Variants in CPS1 observed in about 807,000 individuals in gnomAD.
CPS1 encodes the protein carbamoyl-phosphate synthase 1.
Under a neutral mutation model 174.6 loss-of-function variants are expected in CPS1, and 109 were observed. That is an observed-to-expected ratio of 0.62 (90% CI 0.53 to 0.73). The LOEUF (loss-of-function observed/expected upper bound fraction) is 0.73, where lower values mean the gene tolerates loss of function less well. Ranked by LOEUF, CPS1 falls within the 30% of genes least tolerant of loss-of-function variation. The pLI is 0.00. For missense variants in CPS1, 1,689 were observed against 1,821.9 expected, an observed-to-expected ratio of 0.93 and a Z score of 1.33; for synonymous variants, 637 against 632.0, an observed-to-expected ratio of 1.01 and a Z score of -0.12.
chr2:210,522,426 G>C (rs1466810132), intron 1 of CPS1, among the ~76,000 whole-genome samples: 2 of 151,850 alleles, frequency 1.3e-5, no homozygotes, highest in Non-Finnish European at 2.9e-5. Flanking sequence ...TTTGTTGTTT[G>C]CAAGTCAGAA....
At chr2:210,520,350 G>A (rs1021430828) in intron 1 of CPS1, among the ~76,000 whole-genome samples, 6 of 151,914 alleles carry the variant, frequency 3.9e-5, no homozygotes, top group African/African-American at 1.5e-4. Context: ...AGAACATGCA[G>A]GTTTGTTACA....
intron 13 of CPS1, among the ~76,000 whole-genome samples, chr2:210,598,826 A>G (rs71422704): frequency 6.6e-6 from 1 of 151,794 alleles, no homozygotes; most frequent in Non-Finnish European, 1.5e-5. Flanking sequence ...TTTAACAAAG[A>G]TATTCAGGAC....
intron 30 of CPS1, chr2:210,657,294 A>G (rs950774822): frequency 6.6e-6 from 1 of 151,250 alleles, no homozygotes; most frequent in Non-Finnish European, 1.5e-5. Flanking sequence ...CTAGGTGTAC[A>G]TTTAGAACCT....
intron 1 of CPS1, among the ~76,000 whole-genome samples, chr2:210,545,969 A>G (rs1425638038): frequency 6.6e-6 from 1 of 152,066 alleles, no homozygotes; most frequent in African/African-American, 2.4e-5. Context: ...GGAGAGGAAT[A>G]TTGATTTAGC....
At chr2:210,486,103 TAC>T (rs1280659493) in intron 1 of CPS1, among the ~76,000 whole-genome samples, 5 of 103,906 alleles carry the variant, frequency 4.8e-5, no homozygotes, top group Admixed American at 2.4e-4. Flanking sequence ...CATATATATA[TAC>T]ACACACACAT....
intron 28 of CPS1, among the ~76,000 whole-genome samples, chr2:210,652,700 A>T (rs1176446622): frequency 1.3e-5 from 2 of 152,190 alleles, no homozygotes; most frequent in African/African-American, 4.8e-5. Context: ...CCAAGTGGAT[A>T]TGATTTAAAG....
At chr2:210,637,901 T>G in intron 22 of CPS1, 58 bp downstream of exon 22, 1 of 1,584,402 alleles carries the variant, frequency 6.3e-7, no homozygotes. Flanking sequence ...TGGTAAAACG[T>G]AGGCACCCAT....
chr2:210,500,746 C>G (rs557875053), intron 1 of CPS1, among the ~76,000 whole-genome samples: 2 of 152,156 alleles, frequency 1.3e-5, no homozygotes, highest in Non-Finnish European at 2.9e-5. Flanking sequence ...GTTTTCCAGG[C>G]GTACTGTGAA....
upstream of CPS1, among the ~76,000 whole-genome samples, chr2:210,554,162 TATAC>T (rs1696818847): frequency 7.8e-6 from 1 of 127,976 alleles, no homozygotes; most frequent in South Asian, 2.4e-4. Flanking sequence ...TACACACACA[TATAC>T]ATATGTATGT....
chr2:210,480,928 C>T (rs1161420396), intron 1 of CPS1, among the ~76,000 whole-genome samples: 3 of 152,172 alleles, frequency 2.0e-5, no homozygotes, highest in Non-Finnish European at 2.9e-5. Flanking sequence ...GGAGCAATTG[C>T]CAGTGGAGGA....
At chr2:210,657,164 T>C (rs532000620) in intron 30 of CPS1, among the ~76,000 whole-genome samples, 1 of 152,284 alleles carries the variant, frequency 6.6e-6, no homozygotes, top group South Asian at 2.1e-4. Flanking sequence ...TGCTTTCCCT[T>C]CTCACCCTTG....
At chr2:210,582,748 T>A (rs750499637) in intron 6 of CPS1, 39 bp downstream of exon 6, 1 of 1,440,226 alleles carries the variant, frequency 6.9e-7, no homozygotes, top group African/African-American at 1.4e-5. Flanking sequence ...TTTTATTTGA[T>A]CCCATTTAGA....
intron 1 of CPS1, among the ~76,000 whole-genome samples, chr2:210,536,668 A>G (rs1305224794): frequency 6.6e-6 from 1 of 152,134 alleles, no homozygotes; most frequent in African/African-American, 2.4e-5. Context: ...TGGATTGGCA[A>G]TCCAAATTGA....
At chr2:210,631,409 T>C (rs2105887938) in intron 21 of CPS1, 1 of 152,240 alleles carries the variant, frequency 6.6e-6, no homozygotes, top group East Asian at 1.9e-4. Flanking sequence ...ACAACAACAA[T>C]ATCTACATTG....
chr2:210,677,500 C>G (rs1297444900), intron 37 of CPS1, among the ~76,000 whole-genome samples: 6 of 152,222 alleles, frequency 3.9e-5, no homozygotes. Flanking sequence ...AGATGTAGCA[C>G]AAGTGCTTGT....
intron 4 of CPS1, among the ~76,000 whole-genome samples, chr2:210,579,018 C>A (rs1448592898): frequency 1.3e-5 from 2 of 152,102 alleles, no homozygotes; most frequent in African/African-American, 4.8e-5. Context: ...ATAACCAGTT[C>A]ACCTCCTTCA....
chr2:210,660,702 AT>A (rs1700891212), intron 32 of CPS1, 47 bp downstream of exon 32: 1 of 1,546,888 alleles, frequency 6.5e-7, no homozygotes, highest in East Asian at 2.2e-5. Context: ...TTCTAGTGAA[AT>A]TAAAAGAACA....
chr2:210,498,534 A>G (rs948006550), intron 1 of CPS1, among the ~76,000 whole-genome samples: 4 of 152,136 alleles, frequency 2.6e-5, no homozygotes, highest in African/African-American at 9.7e-5. Context: ...AAAGTTATTT[A>G]TCAGTTCCAG....
chr2:210,660,624 C>G lies in CPS1; in HGVS notation c.3896C>G (p.Pro1299Arg). The G allele has an allele frequency of 1.2e-6, 2 of 1,613,986 alleles. No individual in the cohort carries two copies. The highest frequency in any genetic ancestry group is 1.7e-6 in the Non-Finnish European group (2 of 1,179,948). ...DEKHLPTLDH[P>R]IIPADYVAIK... ...AAACATCTTCCAACATTGGACCATC[C>G]CATAATTCCTGCTGACTATGTTGCA... The change falls in exon 32 of 38, where the codon CCC (proline) becomes CGC (arginine). Residue 1299 changes from proline to arginine, a missense_variant. Physicochemically the swap from Pro to Arg is moderately radical, Grantham distance 103. Transcript: ENST00000233072.
Sources: gnomAD v4.1 joint callset for allele counts (sites outside exome capture counted in the v4.1 genomes callset) on GRCh38, gnomAD v4.1.1 for gene constraint, MANE v1.5 for transcripts, NCBI Gene and HGNC (gene_info 2026-07-23, HGNC 2026-07-21) for gene names.